Variants in SZT2 observed in about 807,000 individuals in gnomAD.
SZT2 encodes KICSTOR complex protein SZT2.
SZT2 carries 216 observed loss-of-function variants against 404.2 expected under a neutral mutation model. That is an observed-to-expected ratio of 0.53 (90% CI 0.48 to 0.60). The LOEUF (loss-of-function observed/expected upper bound fraction) is 0.60. Among genes scored for constraint, SZT2 ranks in the 20% least tolerant of loss-of-function variants. SZT2 has a pLI of 0.00. For synonymous variants in SZT2, 1,693 were observed against 1,749.9 expected, an observed-to-expected ratio of 0.97 and a Z score of 0.81; for missense variants, 3,857 against 4,459.2, an observed-to-expected ratio of 0.86 and a Z score of 3.85.
At chr1:43,446,717 CAAAATGGCCCAGTTTCTG>C (rs1193995162) in intron 65 of SZT2, 5 of 617,394 alleles carry the variant, frequency 8.1e-6, no homozygotes, top group East Asian at 5.5e-5. Context: ...TGGGATAGAG[CAAAATGGCCCAGTTTCTG>C]AAAATGGCCC....
At position 43,452,928 on chromosome 1, in the gene SZT2, A is replaced by G. The variant is rs756508703; in HGVS notation, c.*2448A>G. On this transcript the variant is annotated 3_prime_UTR_variant, in exon 72 of 72. Transcript: ENST00000634258. The stretch of plus-strand genomic sequence containing the variant: ...ATGTCCAGCCTCAGGAACGCTGCCA[A>G]ATACACCAGGCCTCCTCTTGCCACA... 3.5e-5 allele frequency: 56 copies of G among 1,607,564 alleles called. 1 individual carries two copies. The South Asian group carries it at 6.2e-4, about 18-fold the overall frequency.
intron 15 of SZT2, among the ~76,000 whole-genome samples, 158 bp downstream of exon 15, chr1:43,423,474 C>CG (rs1362567021): frequency 1.0e-5 from 1 of 96,172 alleles, no homozygotes; most frequent in African/African-American, 3.5e-5. Context: ...TGTGGCTTAG[C>CG]GGGGTGAGGT....
At chr1:43,445,769 G>C in intron 62 of SZT2, 125 bp from the exon 63 acceptor site, 1 of 924,270 alleles carries the variant, frequency 1.1e-6, no homozygotes, top group Non-Finnish European at 1.7e-6. Flanking sequence ...ACTCACAGTG[G>C]CAGCTTTGTG....
rs200614334 is a variant in SZT2 at position 43,423,237 on chromosome 1, G to A, written c.2176G>A (p.Val726Met). The change falls in exon 15 of 72, where the codon GTG becomes ATG. Residue 726 changes from valine to methionine, a missense_variant. Coordinates refer to ENST00000634258, the MANE Select transcript of SZT2 (RefSeq NM_001365999.1). ...CAGCTCTCCCTCCAAGTCACCCCCC[G>A]TGCTGGGGCCACAGCAGGCCCTGTC... is the stretch of plus-strand genomic sequence containing the variant. ...GGSSPSKSPPVLGPQQALSDR... is the reference protein window; with the variant it reads ...GGSSPSKSPPMLGPQQALSDR... 24 of 1,592,082 alleles carry A rather than the reference G, an allele frequency of 1.5e-5. No individual in the cohort carries two copies. The highest frequency in any genetic ancestry group is 4.5e-5 in the East Asian group (2 of 44,862).
intron 28 of SZT2, 100 bp downstream of exon 28, chr1:43,428,586 C>T: frequency 6.7e-7 from 1 of 1,485,340 alleles, no homozygotes; most frequent in Non-Finnish European, 9.0e-7. Context: ...AAGGTAGTAT[C>T]TAAGCACCTG....
rs1557611850 is a variant in SZT2 at position 43,451,016 on chromosome 1, C to A, written c.*536C>A. 1.3e-6 allele frequency: 1 copy of A among 769,968 alleles called. No homozygotes were observed. Among genetic ancestry groups the A allele is most frequent in the Non-Finnish European group, 2.4e-6 (1 of 422,998 alleles). 47.7% of individuals were successfully genotyped at this position (769,968 alleles called of 1,614,324 possible). A position where few individuals can be genotyped will look rare whatever the true frequency, so the allele number is the denominator to read the frequency against. On this transcript the variant is annotated 3_prime_UTR_variant, in exon 72 of 72. Transcript: ENST00000634258. ...TGCTCTCGGACCCTGGGTTTCTCAT[C>A]CTTTAATGAGGTGGGTTCAGAAGCT...
chr1:43,396,326 A>G (rs1265457810), intron 1 of SZT2, among the ~76,000 whole-genome samples: 1 of 152,234 alleles, frequency 6.6e-6, no homozygotes, highest in Non-Finnish European at 1.5e-5. Context: ...TCACATGTTT[A>G]ATAGACTCTC....
chr1:43,415,450 T>A (rs1226831391), intron 5 of SZT2, among the ~76,000 whole-genome samples: 1 of 152,204 alleles, frequency 6.6e-6, no homozygotes, highest in Non-Finnish European at 1.5e-5. Flanking sequence ...CATTTTTTTT[T>A]AGCCCCAGAT....
chr1:43,452,696 C>CT lies in SZT2; in HGVS notation c.*2220dup, dbSNP rs925587635. The stretch of plus-strand genomic sequence containing the variant: ...CTTCCTCTCCTCGCATCTACTTAGC[C>CT]TTTTCCCATCTGTTTTCTGCCCCCA... On this transcript the variant is annotated 3_prime_UTR_variant, in exon 72 of 72. Transcript: ENST00000634258. 2 of 613,118 alleles carry CT rather than the reference C, an allele frequency of 3.3e-6. No individual in the cohort carries two copies. Among genetic ancestry groups the CT allele is most frequent in the African/African-American group, 3.7e-5 (2 of 54,288 alleles). 38.0% of individuals were successfully genotyped at this position (613,118 alleles called of 1,614,324 possible).
rs929462222 is a variant in SZT2, at chr1:43,430,547, T to C, written c.4532T>C (p.Val1511Ala). 6.2e-7 allele frequency: 1 copy of C among 1,613,946 alleles called. No homozygotes were observed. Among genetic ancestry groups the C allele is most frequent in the African/African-American group, 1.3e-5 (1 of 74,866 alleles). ...ACTGAGAGTGACCCAGAGCTAGAGG[T>C]AGAATACCGGGAGAGCCGTGAATCA... ...VVTESDPELE[V>A]EYRESRESDL... is the part of the protein sequence containing the mutation. Residue 1511 changes from valine to alanine, a missense_variant, in exon 32 of 72, where the codon GTA (valine) becomes GCA (alanine). Val to Ala is a moderately conservative substitution (Grantham distance 64). Around this residue, in one of 7 missense-constraint regions of SZT2, gnomAD observed 1,725 missense variants for 1,881.0 expected, o/e 0.92. Coordinates refer to ENST00000634258, the MANE Select transcript of SZT2 (RefSeq NM_001365999.1).
Position 43,442,442 on chromosome 1 carries a change from C to G in SZT2, c.7975C>G (p.Leu2659Val). The change falls in exon 58 of 72, where the codon CTA (leucine) becomes GTA (valine). Residue 2659 changes from leucine to valine, a missense_variant and splice_region_variant. Around this residue, in one of 7 missense-constraint regions of SZT2, gnomAD observed 573 missense variants for 592.4 expected, o/e 0.97. Transcript: ENST00000634258. The surrounding 1 kb of genome is among the most constrained non-coding windows in gnomAD (Gnocchi z 4.5). ...ACTGACCCTGACCCCCGACCTCCAG[C>G]TACAGCTGCTGACCTACAACTGGGC... Reference protein sequence around the residue: ...LLLLEVVDKKLQLLTYNWAPD... With the variant: ...LLLLEVVDKKVQLLTYNWAPD... 1.2e-6 allele frequency: 2 copies of G among 1,612,654 alleles called. No individual in the cohort carries two copies. The highest frequency in any genetic ancestry group is 1.7e-6 in the Non-Finnish European group (2 of 1,179,016).
chr1:43,427,999 C>T lies in SZT2; in HGVS notation c.3804-4C>T, dbSNP rs371920743. 25 of 1,613,034 alleles carry T rather than the reference C, an allele frequency of 1.5e-5. No homozygotes were observed. Among genetic ancestry groups the T allele is most frequent in the Non-Finnish European group, 2.0e-5 (24 of 1,179,190 alleles). ...TCAAGTTCCATTTTCCCTTCGTTTCCTAGGACTCAGTTCCTCGACCACCCC... is the reference window on the plus strand; with the variant it reads ...TCAAGTTCCATTTTCCCTTCGTTTCTTAGGACTCAGTTCCTCGACCACCCC... On this transcript the variant is annotated splice_polypyrimidine_tract_variant and splice_region_variant and intron_variant, in intron 26 of 71. Coordinates refer to ENST00000634258, the MANE Select transcript of SZT2 (RefSeq NM_001365999.1).
Position 43,442,162 on chromosome 1 carries a change from G to T in SZT2, c.7873+32G>T. On this transcript the variant is annotated intron_variant, in intron 56 of 71. Coordinates refer to ENST00000634258, the MANE Select transcript of SZT2 (RefSeq NM_001365999.1). This position sits in a 1 kb window ranked among gnomAD's most constrained non-coding sequence, Gnocchi z 4.5. ...GCATGGCCCGGGGGGGCGGGGGGCGGGTAGGCTAAGAGTAACTGGTGGGGT... is the reference window on the plus strand; with the variant it reads ...GCATGGCCCGGGGGGGCGGGGGGCGTGTAGGCTAAGAGTAACTGGTGGGGT... 7.6e-7 allele frequency: 1 copy of T among 1,323,662 alleles called. No individual in the cohort carries two copies. Among genetic ancestry groups the T allele is most frequent in the Non-Finnish European group, 1.1e-6 (1 of 920,952 alleles). The allele number at this position is 1,323,662 out of a possible 1,614,324, so 82.0% of individuals were successfully genotyped here.
rs749570750 is a variant in SZT2, at chr1:43,439,905, G to A, written c.7067G>A (p.Arg2356Gln). 8.1e-6 allele frequency: 13 copies of A among 1,606,478 alleles called. No individual in the cohort carries two copies. Among genetic ancestry groups the A allele is most frequent in the Middle Eastern group, 1.7e-4 (1 of 6,022 alleles). Residue 2356 changes from arginine (R) to glutamine (Q), a missense_variant, in exon 51 of 72, where the codon CGA (arginine) becomes CAA (glutamine). Physicochemically the swap from Arg to Gln is conservative, Grantham distance 43. Around this residue, in one of 7 missense-constraint regions of SZT2, gnomAD observed 573 missense variants for 592.4 expected, o/e 0.97. Transcript: ENST00000634258. The surrounding 1 kb of genome is among the most constrained non-coding windows in gnomAD (Gnocchi z 4.2). ...GCTCAGAATGGGGCCCCACGGCTTCGATTGGATGTGTGGGAAAAGGGGAAC... is the reference window on the plus strand; with the variant it reads ...GCTCAGAATGGGGCCCCACGGCTTCAATTGGATGTGTGGGAAAAGGGGAAC... ...SSAQNGAPRL[R>Q]LDVWEKGNIS... is the part of the protein sequence containing the mutation.
rs909158021 is a variant in SZT2 at position 43,430,990 on chromosome 1, C to T, written c.4816C>T (p.Arg1606Ter). ...TCTGGAGGGCCCCCCAGTTGGAGGC[C>T]GAGTTCCCTTGAGGGACCTCAGTGT... ...SSLEGPPVGG[R>*]VPLRDLSVTL... The change falls in exon 33 of 72, where the codon CGA (arginine) becomes TGA (stop). Residue 1606 changes from arginine (R) to a stop codon, truncating the protein, a stop_gained. Transcript: ENST00000634258. LOFTEE classifies it high-confidence loss of function. The T allele has an allele frequency of 1.9e-6, 3 of 1,614,110 alleles. No individual in the cohort carries two copies. Among genetic ancestry groups the T allele is most frequent in the African/African-American group, 1.3e-5 (1 of 75,026 alleles).
At chr1:43,429,571 C>T in intron 28 of SZT2, 132 bp from the exon 29 acceptor site, 4 of 1,083,892 alleles carry the variant, frequency 3.7e-6, no homozygotes, top group Middle Eastern at 2.1e-4. Flanking sequence ...CCTCTTTTAC[C>T]ACCCATGCCA....
chr1:43,450,478 TGAGG>T lies in SZT2; in HGVS notation c.*2_*5del. 6.2e-7 allele frequency: 1 copy of T among 1,614,108 alleles called. No individual in the cohort carries two copies. On this transcript the variant is annotated stop_retained_variant and 3_prime_UTR_variant, in exon 72 of 72. Transcript: ENST00000634258. This position sits in a 1 kb window ranked among gnomAD's most constrained non-coding sequence, Gnocchi z 4.3. ...TTTCACCCTCTGGACCCGCCTCCTC[TGAGG>T]GAGTGGACTGGACCACTGAATGTCA... is the stretch of plus-strand genomic sequence containing the variant.
rs772062932 is a variant in SZT2 at position 43,443,481 on chromosome 1, A to G, written c.8625+4A>G. The G allele has an allele frequency of 1.2e-6, 2 of 1,614,132 alleles. No homozygotes were observed. The highest frequency in any genetic ancestry group is 2.2e-5 in the South Asian group (2 of 91,078). On this transcript the variant is annotated splice_donor_region_variant and intron_variant, in intron 61 of 71. Coordinates refer to ENST00000634258, the MANE Select transcript of SZT2 (RefSeq NM_001365999.1). ...CTCTGGACCCCCTGACGGGCAGGTAAGGCTGACTCCCAGACTTCTAGCAGA... is the reference window on the plus strand; with the variant it reads ...CTCTGGACCCCCTGACGGGCAGGTAGGGCTGACTCCCAGACTTCTAGCAGA...
At position 43,428,080 on chromosome 1, in the gene SZT2, C is replaced by T; in HGVS notation, c.3881C>T (p.Ala1294Val). The change falls in exon 27 of 72, where the codon GCC becomes GTC. Residue 1294 changes from alanine to valine, a missense_variant. By Grantham distance (64) the Ala-to-Val change is moderately conservative. Around this residue, in one of 7 missense-constraint regions of SZT2, gnomAD observed 1,725 missense variants for 1,881.0 expected, o/e 0.92. Coordinates refer to ENST00000634258, the MANE Select transcript of SZT2 (RefSeq NM_001365999.1). ...TACAAGGAGGCAGCTAACCACTGTG[C>T]CCTGCTGCAGGAGCATGCACAGCGG... The part of the protein sequence containing the change: ...PRYKEAANHC[A>V]LLQEHAQRCY... 6.2e-7 allele frequency: 1 copy of T among 1,614,188 alleles called. No homozygotes were observed.
Sources: allele counts gnomAD v4.1 joint callset (sites outside exome capture counted in the v4.1 genomes callset), GRCh38; gene constraint gnomAD v4.1.1; regional missense constraint gnomAD v4.1.1; non-coding constraint Gnocchi (gnomAD v3.1); transcripts MANE v1.5; gene names NCBI Gene and HGNC (gene_info 2026-07-23, HGNC 2026-07-21).